Variants in GTF2F2 observed in about 807,000 individuals in gnomAD.
GTF2F2 encodes general transcription factor IIF subunit 2.
GTF2F2 carries 23 observed loss-of-function variants against 42.2 expected under a neutral mutation model. That is an observed-to-expected ratio of 0.55 (90% CI 0.39 to 0.77). The LOEUF (loss-of-function observed/expected upper bound fraction) is 0.77. Among genes scored for constraint, GTF2F2 ranks in the 30% least tolerant of loss-of-function variants. The pLI is 0.00. For synonymous variants in GTF2F2, 105 were observed against 100.8 expected (o/e 1.04, Z -0.25); for missense variants, 261 against 287.2 (o/e 0.91, Z 0.66).
intron 4 of GTF2F2, among the ~76,000 whole-genome samples, chr13:45,175,400 T>C (rs769513410): frequency 3.3e-5 from 5 of 152,218 alleles, no homozygotes; most frequent in Admixed American, 6.5e-5. Flanking sequence ...GCAATAAACA[T>C]AGGAGTGCAG....
intron 4 of GTF2F2, chr13:45,194,805 A>G: frequency 3.9e-6 from 2 of 511,688 alleles, no homozygotes; most frequent in Non-Finnish European, 6.9e-6. Flanking sequence ...CAGGGAAGGG[A>G]TTTGTTGTGA....
At chr13:45,228,711 C>T (rs1874508925) in intron 5 of GTF2F2, among the ~76,000 whole-genome samples, 1 of 126,038 alleles carries the variant, frequency 7.9e-6, no homozygotes, top group Non-Finnish European at 1.6e-5. Flanking sequence ...GCTCTTGTTG[C>T]CCAGGCTGGA....
intron 7 of GTF2F2, among the ~76,000 whole-genome samples, chr13:45,272,881 G>C (rs1876858288): frequency 6.7e-6 from 1 of 149,962 alleles, no homozygotes; most frequent in Admixed American, 6.6e-5. Context: ...TCAGCCTCTT[G>C]AGTAGTTAGG....
chr13:45,142,484 AG>A (rs1869976928), intron 2 of GTF2F2, among the ~76,000 whole-genome samples: 1 of 152,158 alleles, frequency 6.6e-6, no homozygotes, highest in Non-Finnish European at 1.5e-5. Flanking sequence ...ATTTCTTAAA[AG>A]GGAATCTAGT....
chr13:45,170,106 C>T (rs1871518095), intron 4 of GTF2F2, among the ~76,000 whole-genome samples: 1 of 152,198 alleles, frequency 6.6e-6, no homozygotes, highest in African/African-American at 2.4e-5. Flanking sequence ...TCACTGCAAC[C>T]TCTAACTTCT....
chr13:45,207,013 C>T (rs1374300642), intron 4 of GTF2F2: 1 of 155,314 alleles, frequency 6.4e-6, no homozygotes, highest in African/African-American at 2.4e-5. Flanking sequence ...CAAACACACA[C>T]ACACACACAC....
chr13:45,268,023 A>T (rs1221377595), intron 7 of GTF2F2, among the ~76,000 whole-genome samples: 1 of 152,034 alleles, frequency 6.6e-6, no homozygotes, highest in Non-Finnish European at 1.5e-5. Flanking sequence ...TTTACTAGTA[A>T]TTTGCATTAA....
intron 4 of GTF2F2, among the ~76,000 whole-genome samples, chr13:45,166,777 A>G (rs183015764): frequency 2.6e-5 from 4 of 152,358 alleles, no homozygotes; most frequent in African/African-American, 9.6e-5. Flanking sequence ...CTATATTGGT[A>G]TATCCCAGTA....
chr13:45,283,643 C>T lies in GTF2F2; in HGVS notation c.*82C>T, dbSNP rs1276578274. 50 of 1,216,102 alleles carry T rather than the reference C, an allele frequency of 4.1e-5. No individual in the cohort carries two copies. Among genetic ancestry groups the T allele is most frequent in the Admixed American group, 1.4e-4 (5 of 36,858 alleles). The allele number at this position is 1,216,102 out of a possible 1,614,324, so 75.3% of individuals were successfully genotyped here. On this transcript the variant is annotated 3_prime_UTR_variant, in exon 8 of 8. Coordinates refer to ENST00000340473, the MANE Select transcript of GTF2F2 (RefSeq NM_004128.3). ...CGCTGATACTGGAAGGCTTGAACACCGTATGTTAATAGGGGTTAAGTGACA... is the reference window on the plus strand; with the variant it reads ...CGCTGATACTGGAAGGCTTGAACACTGTATGTTAATAGGGGTTAAGTGACA...
At chr13:45,194,674 T>A in intron 4 of GTF2F2, 1 of 1,019,652 alleles carries the variant, frequency 9.8e-7, no homozygotes, top group Non-Finnish European at 1.5e-6. Context: ...GGTGATGGAA[T>A]GGAAACGCTG....
chr13:45,196,775 A>C (rs1287155014), intron 4 of GTF2F2, among the ~76,000 whole-genome samples: 2 of 152,180 alleles, frequency 1.3e-5, no homozygotes, highest in Non-Finnish European at 2.9e-5. Context: ...AGATGTCTTC[A>C]TGGGAAGCCC....
intron 2 of GTF2F2, among the ~76,000 whole-genome samples, chr13:45,140,082 G>A (rs1218543525): frequency 6.6e-6 from 1 of 150,630 alleles, no homozygotes; most frequent in African/African-American, 2.4e-5. Context: ...TCTGTTCCCA[G>A]GACTACAGGC....
At chr13:45,247,826 T>TTTG (rs372306072) in intron 5 of GTF2F2, among the ~76,000 whole-genome samples, 3 of 151,704 alleles carry the variant, frequency 2.0e-5, no homozygotes, top group South Asian at 2.1e-4. Flanking sequence ...AATTGCAGTT[T>TTTG]TTGTTGTTGT....
intron 4 of GTF2F2, among the ~76,000 whole-genome samples, chr13:45,152,329 A>C (rs530309362): frequency 6.6e-6 from 1 of 152,254 alleles, no homozygotes; most frequent in African/African-American, 2.4e-5. Context: ...TGATTAATGA[A>C]ATTTTGGCCA....
intron 4 of GTF2F2, among the ~76,000 whole-genome samples, chr13:45,167,928 T>C (rs918185825): frequency 6.6e-6 from 1 of 152,092 alleles, no homozygotes; most frequent in Admixed American, 6.5e-5. Context: ...TTTCTGTTGA[T>C]AGAGGGAAAA....
intron 2 of GTF2F2, among the ~76,000 whole-genome samples, chr13:45,141,716 T>C (rs902077459): frequency 2.0e-5 from 3 of 152,194 alleles, no homozygotes; most frequent in Non-Finnish European, 4.4e-5. Flanking sequence ...TTTAAAATTT[T>C]TACAAAATGA....
intron 4 of GTF2F2, among the ~76,000 whole-genome samples, chr13:45,190,761 G>GT (rs1445963801): frequency 5.1e-4 from 77 of 150,324 alleles, no homozygotes; most frequent in African/African-American, 1.1e-3. Context: ...TTTTGTTTTT[G>GT]TTTTTTTTGA....
chr13:45,200,627 T>C (rs550724130), intron 4 of GTF2F2, among the ~76,000 whole-genome samples: 1 of 152,310 alleles, frequency 6.6e-6, no homozygotes, highest in East Asian at 1.9e-4. Context: ...ATCAGAATAT[T>C]ACTTCACAAG....
At chr13:45,191,032 C>T (rs1043973540) in intron 4 of GTF2F2, among the ~76,000 whole-genome samples, 1 of 150,616 alleles carries the variant, frequency 6.6e-6, no homozygotes, top group Admixed American at 6.6e-5. Flanking sequence ...TGAAAAGTCT[C>T]GTGTTTCATT....
Sources: gnomAD v4.1 joint callset for allele counts (sites outside exome capture counted in the v4.1 genomes callset) on GRCh38, gnomAD v4.1.1 for gene constraint, MANE v1.5 for transcripts, NCBI Gene and HGNC (gene_info 2026-07-23, HGNC 2026-07-21) for gene names.